MKRN1: variants seen among roughly 807,000 people sequenced by gnomAD.
MKRN1 encodes makorin ring finger protein 1.
MKRN1 carries 9 observed loss-of-function variants against 55.5 expected under a neutral mutation model. That is an observed-to-expected ratio of 0.16 (90% confidence interval 0.10 to 0.28). The LOEUF (loss-of-function observed/expected upper bound fraction) is 0.28, where lower values mean the gene tolerates loss of function less well. MKRN1 is among the 10% of genes least tolerant of loss of function. The pLI is 1.00. For missense variants in MKRN1, 488 were observed against 626.7 expected (o/e 0.78, Z 2.36); for synonymous variants, 253 against 235.9 (o/e 1.07, Z -0.66).
At chr7:140,467,828 C>A (rs1794815644) in intron 2 of MKRN1, among the ~76,000 whole-genome samples, 1 of 151,762 alleles carries the variant, frequency 6.6e-6, no homozygotes, top group Non-Finnish European at 1.5e-5. Flanking sequence ...CACGGAGAAA[C>A]CCCGCCTCTA....
chr7:140,471,372 G>A (rs892614132), intron 2 of MKRN1, among the ~76,000 whole-genome samples: 1 of 151,936 alleles, frequency 6.6e-6, no homozygotes, highest in African/African-American at 2.4e-5. Flanking sequence ...GTAAGACCCT[G>A]TCTCAAAAAA....
chr7:140,479,032 C>T (rs1252894831), intron 1 of MKRN1, 128 bp downstream of exon 1: 1 of 1,143,206 alleles, frequency 8.7e-7, no homozygotes, highest in Non-Finnish European at 1.1e-6. Context: ...CTGCAGAGAT[C>T]GAGACAACGC....
At chr7:140,455,519 A>G (rs1794442596) in intron 6 of MKRN1, 1 of 561,238 alleles carries the variant, frequency 1.8e-6, no homozygotes, top group African/African-American at 1.9e-5. Context: ...CAGCTATGAC[A>G]CGGATTCAGA....
intron 2 of MKRN1, among the ~76,000 whole-genome samples, chr7:140,460,492 T>C (rs1345000986): frequency 2.0e-5 from 3 of 151,714 alleles, no homozygotes; most frequent in South Asian, 2.1e-4. Flanking sequence ...GTATCTTTAG[T>C]GGAGATGCCG....
intron 2 of MKRN1, among the ~76,000 whole-genome samples, chr7:140,464,143 C>T (rs1794706031): frequency 6.6e-6 from 1 of 151,840 alleles, no homozygotes; most frequent in Non-Finnish European, 1.5e-5. Context: ...AGTCTTTGAA[C>T]TCCTAACCTC....
At position 140,471,482 on chromosome 7, in the gene MKRN1, T is replaced by C. The variant is rs919449653; in HGVS notation, c.314+401A>G. Among the ~76,000 whole-genome samples the C allele has an allele frequency of 9.2e-5, 14 of 152,154 alleles. 1 individual carries two copies. The highest frequency in any genetic ancestry group is 8.8e-5 in the Non-Finnish European group (6 of 68,036). On this transcript the variant is annotated intron_variant, in intron 2 of 7. Transcript: ENST00000255977. Reference sequence around the variant, plus strand: ...AGGATAGAAAAGCCCTACCCAATTTTTTTTTAAGGTGGAGTCTCGCTCTGT... The same window carrying C: ...AGGATAGAAAAGCCCTACCCAATTTCTTTTTAAGGTGGAGTCTCGCTCTGT...
chr7:140,463,806 A>G (rs1247500790), intron 2 of MKRN1, among the ~76,000 whole-genome samples: 1 of 152,040 alleles, frequency 6.6e-6, no homozygotes, highest in Non-Finnish European at 1.5e-5. Flanking sequence ...AATGGCGTGA[A>G]CCTGGGAGGC....
intron 2 of MKRN1, among the ~76,000 whole-genome samples, chr7:140,462,401 C>G (rs1487525094): frequency 1.3e-5 from 2 of 152,158 alleles, no homozygotes; most frequent in Non-Finnish European, 2.9e-5. Flanking sequence ...AGTTTGTTAT[C>G]AAGTGGTTCT....
intron 1 of MKRN1, among the ~76,000 whole-genome samples, chr7:140,475,489 G>A (rs1397790139): frequency 6.6e-6 from 1 of 151,670 alleles, no homozygotes; most frequent in African/African-American, 2.4e-5. Context: ...GTGAAACCCT[G>A]TCTCTATCAA....
intron 1 of MKRN1, chr7:140,473,948 T>C (rs1795012455): frequency 7.1e-6 from 1 of 141,434 alleles, no homozygotes; most frequent in Non-Finnish European, 1.5e-5. Flanking sequence ...GCCAAGATTG[T>C]ATCACTGCAC....
chr7:140,462,974 T>TA (rs1794666929), intron 2 of MKRN1, among the ~76,000 whole-genome samples: 1 of 148,660 alleles, frequency 6.7e-6, no homozygotes, highest in African/African-American at 2.5e-5. Context: ...TCAGAACCAA[T>TA]AAAGACTATG....
intron 2 of MKRN1, among the ~76,000 whole-genome samples, chr7:140,466,908 A>T (rs1336913884): frequency 6.6e-6 from 1 of 151,798 alleles, no homozygotes; most frequent in Non-Finnish European, 1.5e-5. Flanking sequence ...CCTGGGCAAG[A>T]GGGCAAGACC....
chr7:140,476,704 G>A (rs1795128380), intron 1 of MKRN1, among the ~76,000 whole-genome samples: 1 of 151,444 alleles, frequency 6.6e-6, no homozygotes, highest in Admixed American at 6.6e-5. Context: ...CTGGAACTGA[G>A]GAAAGAAACT....
chr7:140,466,910 G>A (rs1250394154), intron 2 of MKRN1, among the ~76,000 whole-genome samples: 1 of 151,674 alleles, frequency 6.6e-6, no homozygotes, highest in Non-Finnish European at 1.5e-5. Context: ...TGGGCAAGAG[G>A]GCAAGACCAG....
Position 140,471,905 on chromosome 7 carries a change from A to G in MKRN1, c.292T>C (p.Cys98Arg). ...TACCTGCAGCGGTCTCCATAAATAC[A>G]GTACCCTCGCTGAAAATACTTGCAC... ...VVCKYFQRGY[C>R]IYGDRCRYEH... The change falls in exon 2 of 8, where the codon TGT becomes CGT. Residue 98 changes from cysteine (C) to arginine (R), a missense_variant. Cys to Arg is a radical substitution (Grantham distance 180, BLOSUM62 -3). Around this residue, in one of 2 missense-constraint regions of MKRN1, gnomAD observed 210 missense variants for 220.0 expected, o/e 0.95. Transcript: ENST00000255977. The G allele has an allele frequency of 6.2e-7, 1 of 1,614,008 alleles. No homozygotes were observed. The highest frequency in any genetic ancestry group is 8.5e-7 in the Non-Finnish European group (1 of 1,179,992).
intron 1 of MKRN1, among the ~76,000 whole-genome samples, chr7:140,474,871 A>G (rs1322972252): frequency 1.3e-5 from 2 of 151,618 alleles, no homozygotes; most frequent in African/African-American, 2.4e-5. Flanking sequence ...GGTGCCCGCC[A>G]CCACGCCCAG....
chr7:140,454,489 A>T lies in MKRN1; in HGVS notation c.*28T>A. ...GGGACAGCTGCTGTCTGAGGTCAGCAGACCAGTTCACACGCCACGCAAGGT... is the reference window on the plus strand; with the variant it reads ...GGGACAGCTGCTGTCTGAGGTCAGCTGACCAGTTCACACGCCACGCAAGGT... On this transcript the variant is annotated 3_prime_UTR_variant, in exon 8 of 8. Coordinates refer to ENST00000255977, the MANE Select transcript of MKRN1 (RefSeq NM_013446.4). 2.5e-6 allele frequency: 4 copies of T among 1,596,912 alleles called. No individual in the cohort carries two copies. The highest frequency in any genetic ancestry group is 3.4e-6 in the Non-Finnish European group (4 of 1,170,018).
chr7:140,454,772 G>T, intron 7 of MKRN1, 43 bp from the exon 8 acceptor site: 2 of 1,578,810 alleles, frequency 1.3e-6, no homozygotes, highest in Non-Finnish European at 1.7e-6. Flanking sequence ...CTGTCGAGCA[G>T]TATCTTCTAT....
chr7:140,479,504 T>G lies in MKRN1; in HGVS notation c.-160A>C. 39 of 695,148 alleles carry G rather than the reference T, an allele frequency of 5.6e-5. No individual in the cohort carries two copies. Among genetic ancestry groups the G allele is most frequent in the Non-Finnish European group, 6.6e-5 (33 of 496,530 alleles). The allele number at this position is 695,148 out of a possible 1,614,324, so 43.1% of individuals were successfully genotyped here. A position where few individuals can be genotyped will look rare whatever the true frequency, so the allele number is the denominator to read the frequency against. ...CTACGCGTCGCGTATCTGAGCGCTC[T>G]CGCCACTTCAACTGCGGGCCCAGAG... On this transcript the variant is annotated 5_prime_UTR_variant, in exon 1 of 8. Coordinates refer to ENST00000255977, the MANE Select transcript of MKRN1 (RefSeq NM_013446.4).
Sources: gnomAD v4.1 joint callset for allele counts (sites outside exome capture counted in the v4.1 genomes callset) on GRCh38, gnomAD v4.1.1 for gene constraint, gnomAD v4.1.1 regional missense constraint, MANE v1.5 for transcripts, NCBI Gene and HGNC (gene_info 2026-07-23, HGNC 2026-07-21) for gene names.